The following CA10 variants were observed in gnomAD, a reference collection of about 807,000 sequenced individuals.
CA10 encodes carbonic anhydrase-related protein 10.
Under a neutral mutation model 44.2 loss-of-function variants are expected in CA10, and 14 were observed. That is an observed-to-expected ratio of 0.32 (90% CI 0.21 to 0.50). The LOEUF (loss-of-function observed/expected upper bound fraction) is 0.50, where lower values mean the gene tolerates loss of function less well. Among genes scored for constraint, CA10 ranks in the 20% least tolerant of loss-of-function variants. CA10 has a pLI of 0.99. For missense variants in CA10, 350 were observed against 409.7 expected, an observed-to-expected ratio of 0.85 and a Z score of 1.26; for synonymous variants, 159 against 141.6, an observed-to-expected ratio of 1.12 and a Z score of -0.87.
chr17:51,637,541 C>T (rs1335160737), intron 6 of CA10, among the ~76,000 whole-genome samples: 5 of 152,208 alleles, frequency 3.3e-5, no homozygotes, highest in East Asian at 1.9e-4. Context: ...CATGTTCTCT[C>T]GTCCATGTGT....
At chr17:51,676,695 T>C (rs139248335) in intron 4 of CA10, among the ~76,000 whole-genome samples, 6 of 152,306 alleles carry the variant, frequency 3.9e-5, no homozygotes, top group Non-Finnish European at 7.3e-5. Flanking sequence ...CTAACTTAAA[T>C]ACAGTGAATC....
chr17:52,049,220 A>C (rs904447257), intron 2 of CA10, among the ~76,000 whole-genome samples: 1 of 152,074 alleles, frequency 6.6e-6, no homozygotes, highest in South Asian at 2.1e-4. Context: ...GTGTGACCAC[A>C]GGATGCTCAG....
At chr17:51,944,632 G>A (rs1186353429) in intron 2 of CA10, among the ~76,000 whole-genome samples, 1 of 151,878 alleles carries the variant, frequency 6.6e-6, no homozygotes, top group African/African-American at 2.4e-5. Context: ...TAACAATACA[G>A]CAAATTTTTA....
At chr17:51,691,699 G>A (rs1000039800) in intron 4 of CA10, among the ~76,000 whole-genome samples, 1 of 152,176 alleles carries the variant, frequency 6.6e-6, no homozygotes, top group Admixed American at 6.5e-5. Flanking sequence ...ATAGTTTCAG[G>A]TCTTACATTT....
chr17:51,941,904 G>A (rs1048993428), intron 2 of CA10, among the ~76,000 whole-genome samples: 1 of 152,084 alleles, frequency 6.6e-6, no homozygotes, highest in Admixed American at 6.6e-5. Context: ...TGTTTAGTAT[G>A]TAAACATCTC....
intron 3 of CA10, among the ~76,000 whole-genome samples, chr17:51,830,195 C>CAAAAAAAAAA (rs1220410518): frequency 5.6e-5 from 5 of 89,982 alleles, no homozygotes; most frequent in African/African-American, 1.4e-4. Context: ...GACTCCATCT[C>CAAAAAAAAAA]AAAAAAAAAA....
chr17:51,969,129 A>G (rs1362712907), intron 2 of CA10, among the ~76,000 whole-genome samples: 1 of 151,986 alleles, frequency 6.6e-6, no homozygotes, highest in East Asian at 1.9e-4. Flanking sequence ...AAATGTCTTC[A>G]AAACCTAAAT....
intron 3 of CA10, among the ~76,000 whole-genome samples, chr17:51,827,733 T>C (rs926130029): frequency 1.3e-5 from 2 of 152,202 alleles, no homozygotes; most frequent in African/African-American, 2.4e-5. Context: ...ACTTGGTGGT[T>C]GAGGAGGCTC....
chr17:51,967,662 G>C (rs1375323826), intron 2 of CA10, among the ~76,000 whole-genome samples: 1 of 151,512 alleles, frequency 6.6e-6, no homozygotes, highest in Non-Finnish European at 1.5e-5. Flanking sequence ...CATAAAGATG[G>C]GAACAATAGA....
chr17:51,860,332 A>G (rs138098805), intron 3 of CA10, among the ~76,000 whole-genome samples: 1 of 152,362 alleles, frequency 6.6e-6, no homozygotes, highest in Non-Finnish European at 1.5e-5. Flanking sequence ...TCTTTGCCTC[A>G]TAAGTCTTAA....
intron 3 of CA10, among the ~76,000 whole-genome samples, chr17:51,930,697 G>C (rs1982620857): frequency 2.6e-5 from 4 of 152,116 alleles, no homozygotes; most frequent in Admixed American, 2.0e-4. Context: ...CAGCATGATA[G>C]GCAGGGGTGG....
At position 51,830,434 on chromosome 17, in the gene CA10, C is replaced by A. The variant is rs1012958859; in HGVS notation, c.280-82616G>T. ...AAAAGTATTGGACTTAAAAAAAAAA[C>A]AAACAATTTCTGAGATCCATTCCAG... On this transcript the variant is annotated intron_variant, in intron 3 of 8. Transcript: ENST00000451037. Among the ~76,000 whole-genome samples the A allele has an allele frequency of 9.9e-5, 15 of 151,454 alleles. No individual in the cohort carries two copies. In the East Asian group the frequency reaches 1.7e-3, roughly 18 times the overall value.
intron 2 of CA10, among the ~76,000 whole-genome samples, chr17:51,971,586 A>G (rs143117277): frequency 1.0e-3 from 122 of 121,596 alleles, no homozygotes; most frequent in African/African-American, 3.3e-3. Context: ...TATTTCAGAT[A>G]ACATTAATGT....
intron 2 of CA10, among the ~76,000 whole-genome samples, chr17:52,040,202 C>G (rs1598181054): frequency 7.0e-6 from 1 of 143,510 alleles, no homozygotes; most frequent in Admixed American, 7.1e-5. Flanking sequence ...AACAGAAAAA[C>G]CACCATCTCC....
At chr17:52,021,500 T>G (rs996625661) in intron 2 of CA10, among the ~76,000 whole-genome samples, 13 of 152,112 alleles carry the variant, frequency 8.5e-5, no homozygotes, top group Admixed American at 1.3e-4. Context: ...ATAGCCATTC[T>G]GACTTGAGAT....
At chr17:52,013,639 A>T (rs1985878867) in intron 2 of CA10, among the ~76,000 whole-genome samples, 1 of 151,990 alleles carries the variant, frequency 6.6e-6, no homozygotes, top group Non-Finnish European at 1.5e-5. Context: ...GTTAGAGTAT[A>T]TACTTGTGGC....
intron 3 of CA10, among the ~76,000 whole-genome samples, chr17:51,903,679 C>T (rs896782466): frequency 5.9e-5 from 9 of 152,138 alleles, no homozygotes; most frequent in South Asian, 2.1e-4. Context: ...ATGCTGTAGC[C>T]ACCTCACAGA....
chr17:51,930,330 A>G (rs543248613), intron 3 of CA10, among the ~76,000 whole-genome samples: 35 of 152,168 alleles, frequency 2.3e-4, no homozygotes, highest in Non-Finnish European at 4.0e-4. Flanking sequence ...AGTAGACATG[A>G]ACCAGCAAGA....
intron 3 of CA10, among the ~76,000 whole-genome samples, chr17:51,838,871 C>G (rs1352501235): frequency 2.6e-5 from 4 of 152,228 alleles, no homozygotes; most frequent in Non-Finnish European, 5.9e-5. Context: ...ATCACTCCTA[C>G]TCATCTACCA....
Sources: allele counts gnomAD v4.1 joint callset (sites outside exome capture counted in the v4.1 genomes callset), GRCh38; gene constraint gnomAD v4.1.1; transcripts MANE v1.5; gene names NCBI Gene and HGNC (gene_info 2026-07-23, HGNC 2026-07-21).